The following SYNPR variants were observed in gnomAD, a reference collection of about 807,000 sequenced individuals.
SYNPR encodes the protein synaptoporin.
Under a neutral mutation model 32.9 loss-of-function variants are expected in SYNPR, and 23 were observed. The ratio of observed to expected loss-of-function variants is 0.70; its 90% confidence interval spans 0.50 to 0.99. The LOEUF is 0.99. Ranked by LOEUF, SYNPR falls within the 50% of genes least tolerant of loss-of-function variation. The pLI, the probability that SYNPR is intolerant of heterozygous loss-of-function variation, is 0.00. For synonymous variants in SYNPR, 146 were observed against 135.9 expected (o/e 1.07, Z -0.52); for missense variants, 318 against 349.3 (o/e 0.91, Z 0.71).
intron 2 of SYNPR, among the ~76,000 whole-genome samples, chr3:63,447,977 T>A (rs529395528): frequency 6.8e-6 from 1 of 147,108 alleles, no homozygotes; most frequent in East Asian, 2.3e-4. Context: ...CCCAGGGGAC[T>A]TATTTAGCCT....
At chr3:63,285,326 G>A (rs922755746) in intron 2 of SYNPR, among the ~76,000 whole-genome samples, 1 of 152,008 alleles carries the variant, frequency 6.6e-6, no homozygotes, top group African/African-American at 2.4e-5. Flanking sequence ...AAAAGACTTC[G>A]ATTACAAAGG....
chr3:63,271,847 A>T (rs915183371), intron 3 of SYNPR, among the ~76,000 whole-genome samples: 1 of 152,084 alleles, frequency 6.6e-6, no homozygotes, highest in African/African-American at 2.4e-5. Context: ...TTATCCAATA[A>T]TGTATGTGTA....
intron 1 of SYNPR, among the ~76,000 whole-genome samples, chr3:63,228,906 A>G (rs2086148646): frequency 6.6e-6 from 1 of 151,852 alleles, no homozygotes; most frequent in Admixed American, 6.6e-5. Context: ...GCCATCTTGA[A>G]ATGATGCTAT....
intron 3 of SYNPR, among the ~76,000 whole-genome samples, chr3:63,519,055 T>A (rs1196762866): frequency 6.6e-6 from 1 of 152,198 alleles, no homozygotes; most frequent in East Asian, 1.9e-4. Flanking sequence ...TTATGTGATG[T>A]ATCACATTTA....
At chr3:63,457,214 T>G (rs538920521) in intron 2 of SYNPR, among the ~76,000 whole-genome samples, 5 of 152,294 alleles carry the variant, frequency 3.3e-5, no homozygotes, top group African/African-American at 1.2e-4. Flanking sequence ...ATTAACTTCC[T>G]GATGAACTCT....
chr3:63,542,310 A>T (rs938292463), intron 3 of SYNPR, among the ~76,000 whole-genome samples: 9 of 152,148 alleles, frequency 5.9e-5, no homozygotes, highest in African/African-American at 2.2e-4. Context: ...AAAAGCAAGA[A>T]ACTGTTCAGA....
intron 4 of SYNPR, among the ~76,000 whole-genome samples, chr3:63,603,683 A>C (rs1185942754): frequency 6.6e-6 from 1 of 152,340 alleles, no homozygotes; most frequent in Admixed American, 6.5e-5. Flanking sequence ...CTTGCATCCC[A>C]GGGATAAAGC....
At position 63,278,523 on chromosome 3, in the gene SYNPR, G is replaced by GAGGGC; in HGVS notation, c.-10_-6dup. On this transcript the variant is annotated 5_prime_UTR_variant, in exon 1 of 6. Transcript: ENST00000478300. ...GAACTGGTGGATGAGAAGAGCGAGC[G>GAGGGC]AGGGCGAGCTATGGACCCTGTGAGT... is the stretch of plus-strand genomic sequence containing the variant. The GAGGGC allele has an allele frequency of 6.5e-7, 1 of 1,547,922 alleles. No homozygotes were observed. The highest frequency in any genetic ancestry group is 8.7e-7 in the Non-Finnish European group (1 of 1,144,664).
In SYNPR at chr3:63,556,736, C is replaced by T. The variant is rs369606570; in HGVS notation, c.403C>T (p.Leu135Phe). Residue 135 changes from leucine (L) to phenylalanine (F), a missense_variant, in exon 4 of 6, where the codon CTC (leucine) becomes TTC (phenylalanine). Coordinates refer to ENST00000478300, the MANE Select transcript of SYNPR (RefSeq NM_001130003.2). The part of the protein sequence containing the change: ...NKYRENNRGP[L>F]IDFIVTVVFS... ...ATACCGGGAAAACAACCGGGGCCCA[C>T]TCATTGTAAGTGGTTTTCTTTTTCA... 4 of 1,610,900 alleles carry T rather than the reference C, an allele frequency of 2.5e-6. No homozygotes were observed. The highest frequency in any genetic ancestry group is 2.5e-6 in the Non-Finnish European group (3 of 1,178,724).
chr3:63,263,275 C>T (rs372407649), intron 2 of SYNPR, among the ~76,000 whole-genome samples: 65 of 152,310 alleles, frequency 4.3e-4, no homozygotes, highest in African/African-American at 1.6e-3. Flanking sequence ...CTTGGACCAC[C>T]AGTTGGTCAT....
intron 4 of SYNPR, among the ~76,000 whole-genome samples, chr3:63,567,112 C>A (rs1443164853): frequency 1.3e-5 from 2 of 152,130 alleles, no homozygotes; most frequent in Admixed American, 6.5e-5. Context: ...TCATTATAGA[C>A]AAATGCAATC....
chr3:63,508,675 C>T (rs1701636478), intron 3 of SYNPR, among the ~76,000 whole-genome samples: 1 of 152,074 alleles, frequency 6.6e-6, no homozygotes, highest in Admixed American at 6.6e-5. Context: ...GTCATGTTAC[C>T]TCTTTGTGAC....
At chr3:63,522,793 G>A (rs1402055593) in intron 3 of SYNPR, among the ~76,000 whole-genome samples, 1 of 152,140 alleles carries the variant, frequency 6.6e-6, no homozygotes, top group African/African-American at 2.4e-5. Flanking sequence ...GGAAAGGGAG[G>A]CAAGGGGTCC....
chr3:63,287,676 G>T (rs944460912), intron 2 of SYNPR, among the ~76,000 whole-genome samples: 3 of 152,186 alleles, frequency 2.0e-5, no homozygotes, highest in Non-Finnish European at 4.4e-5. Flanking sequence ...GGAAGAAAGG[G>T]AATAAAGAAT....
intron 4 of SYNPR, among the ~76,000 whole-genome samples, chr3:63,576,958 AT>A (rs35020434): frequency 0.081 from 12,238 of 151,296 alleles, 665 homozygotes; most frequent in Middle Eastern, 0.12. Context: ...TACAGGATAC[AT>A]TTTTTTTTAA....
At chr3:63,228,050 A>G (rs2086142015), upstream of SYNPR, among the ~76,000 whole-genome samples, 1 of 152,196 alleles carries the variant, frequency 6.6e-6, no homozygotes, top group Admixed American at 6.5e-5. Context: ...TTTAAGGAAG[A>G]GGGTGATTTG....
intron 2 of SYNPR, among the ~76,000 whole-genome samples, chr3:63,408,266 AAAG>A (rs1560221062): frequency 1.6e-5 from 2 of 123,426 alleles, no homozygotes; most frequent in Admixed American, 8.2e-5. Context: ...AGAAAGAAAG[AAAG>A]AAAGAAAGAG....
At chr3:63,270,411 C>T (rs552291618) in intron 3 of SYNPR, among the ~76,000 whole-genome samples, 3 of 152,132 alleles carry the variant, frequency 2.0e-5, no homozygotes, top group East Asian at 1.9e-4. Flanking sequence ...AAAAATCATC[C>T]GTAGTAAGAT....
chr3:63,226,939 A>G (rs2086133071), upstream of SYNPR, among the ~76,000 whole-genome samples: 1 of 152,250 alleles, frequency 6.6e-6, no homozygotes, highest in Non-Finnish European at 1.5e-5. Context: ...CTTGATCATC[A>G]CACATCCTAT....
Sources: gnomAD v4.1 joint callset for allele counts (sites outside exome capture counted in the v4.1 genomes callset) on GRCh38, gnomAD v4.1.1 for gene constraint, MANE v1.5 for transcripts, NCBI Gene and HGNC (gene_info 2026-07-23, HGNC 2026-07-21) for gene names.